The following FKBP5 variants were observed in gnomAD, a reference collection of about 807,000 sequenced individuals.
FKBP5 encodes peptidyl-prolyl cis-trans isomerase FKBP5.
Under a neutral mutation model 50.5 loss-of-function variants are expected in FKBP5, and 23 were observed. The ratio of observed to expected loss-of-function variants is 0.46; its 90% CI spans 0.33 to 0.65. The LOEUF (loss-of-function observed/expected upper bound fraction) is 0.65, where lower values mean the gene tolerates loss of function less well. Ranked by LOEUF, FKBP5 falls within the 30% of genes least tolerant of loss-of-function variation. FKBP5 has a pLI of 0.02. For synonymous variants in FKBP5, 176 were observed against 190.6 expected, an observed-to-expected ratio of 0.92 and a Z score of 0.63; for missense variants, 411 against 553.1, an observed-to-expected ratio of 0.74 and a Z score of 2.58.
At chr6:35,684,557 A>C (rs1765769538) in intron 1 of FKBP5, among the ~76,000 whole-genome samples, 1 of 152,144 alleles carries the variant, frequency 6.6e-6, no homozygotes, top group East Asian at 1.9e-4. Context: ...AAACAACTAC[A>C]ATCACAATTT....
chr6:35,670,326 A>G (rs545983547), intron 1 of FKBP5, among the ~76,000 whole-genome samples: 43 of 152,358 alleles, frequency 2.8e-4, no homozygotes, highest in Admixed American at 8.5e-4. Context: ...TAAAATTACT[A>G]AATTAGAGAC....
At chr6:35,604,436 C>G (rs1460789900) in intron 5 of FKBP5, among the ~76,000 whole-genome samples, 1 of 152,154 alleles carries the variant, frequency 6.6e-6, no homozygotes, top group East Asian at 1.9e-4. Context: ...GACCAAGTAC[C>G]ATATTACATT....
At chr6:35,692,197 C>T (rs1048363983), upstream of FKBP5, among the ~76,000 whole-genome samples, 11 of 152,188 alleles carry the variant, frequency 7.2e-5, no homozygotes, top group Non-Finnish European at 1.3e-4. Context: ...CCAGGCTGGC[C>T]TGGAACCGCT....
chr6:35,728,318 C>T (rs998935800), intron 1 of FKBP5, among the ~76,000 whole-genome samples: 3 of 151,752 alleles, frequency 2.0e-5, no homozygotes, highest in African/African-American at 7.3e-5. Context: ...CAGCCTGCCG[C>T]GCGAGACCTC....
intron 8 of FKBP5, chr6:35,583,574 T>C: frequency 1.0e-6 from 1 of 983,554 alleles, no homozygotes; most frequent in Non-Finnish European, 1.2e-6. Context: ...AACTGGGGGG[T>C]GATTTTGCCC....
intron 3 of FKBP5, among the ~76,000 whole-genome samples, chr6:35,635,327 C>G (rs1764279069): frequency 1.3e-5 from 2 of 152,130 alleles, no homozygotes; most frequent in South Asian, 4.1e-4. Context: ...ACAGAGCGAG[C>G]CAGACATGGT....
intron 8 of FKBP5, chr6:35,585,340 C>CTT: frequency 1.0e-6 from 1 of 978,538 alleles, no homozygotes. Flanking sequence ...TGGAATCTTA[C>CTT]TTGAATAGTT....
chr6:35,708,879 A>G (rs995114475), intron 2 of FKBP5, among the ~76,000 whole-genome samples: 15 of 152,134 alleles, frequency 9.9e-5, no homozygotes, highest in Non-Finnish European at 1.2e-4. Context: ...TGACAGAAGG[A>G]TCCTAGGTCC....
At chr6:35,714,760 T>C (rs1158282354) in intron 2 of FKBP5, among the ~76,000 whole-genome samples, 1 of 147,502 alleles carries the variant, frequency 6.8e-6, no homozygotes, top group Non-Finnish European at 1.5e-5. Flanking sequence ...GAGGTTGCAG[T>C]GAGCTATCGT....
chr6:35,639,973 T>C (rs969038130), intron 2 of FKBP5, among the ~76,000 whole-genome samples: 1 of 152,266 alleles, frequency 6.6e-6, no homozygotes, highest in Non-Finnish European at 1.5e-5. Context: ...CTAAAGCCAC[T>C]TAACCTTTCT....
chr6:35,719,769 A>G (rs1014841780), intron 2 of FKBP5, among the ~76,000 whole-genome samples: 1 of 152,236 alleles, frequency 6.6e-6, no homozygotes, highest in African/African-American at 2.4e-5. Flanking sequence ...TTTGGAACCT[A>G]GAATTTCCCA....
At chr6:35,611,992 T>C (rs778125608) in intron 5 of FKBP5, among the ~76,000 whole-genome samples, 4 of 152,192 alleles carry the variant, frequency 2.6e-5, no homozygotes, top group Non-Finnish European at 5.9e-5. Context: ...TATTAAGATA[T>C]ATCATTAATT....
At chr6:35,691,798 G>A (rs1382827010), upstream of FKBP5, among the ~76,000 whole-genome samples, 1 of 152,190 alleles carries the variant, frequency 6.6e-6, no homozygotes, top group Non-Finnish European at 1.5e-5. Context: ...GATGTGGGAT[G>A]AGCAGCCCTT....
intron 1 of FKBP5, among the ~76,000 whole-genome samples, chr6:35,645,600 G>A (rs1764607828): frequency 6.6e-6 from 1 of 152,162 alleles, no homozygotes; most frequent in African/African-American, 2.4e-5. Flanking sequence ...CTGCATATTA[G>A]CTTATTACTA....
At chr6:35,609,151 G>C (rs1208222881) in intron 5 of FKBP5, among the ~76,000 whole-genome samples, 1 of 152,052 alleles carries the variant, frequency 6.6e-6, no homozygotes, top group Non-Finnish European at 1.5e-5. Context: ...GATCTTTCAG[G>C]ATAAATGTAT....
intron 2 of FKBP5, among the ~76,000 whole-genome samples, chr6:35,703,507 G>A (rs1218159983): frequency 6.6e-6 from 1 of 152,068 alleles, no homozygotes; most frequent in Non-Finnish European, 1.5e-5. Flanking sequence ...TACATTCCAT[G>A]CATGTAACAA....
At chr6:35,585,134 G>A (rs988189973) in intron 8 of FKBP5, 2 of 982,706 alleles carry the variant, frequency 2.0e-6, no homozygotes, top group Non-Finnish European at 2.4e-6. Flanking sequence ...CTAGTCAAAG[G>A]CCAAAAGCCT....
At chr6:35,594,256 A>G (rs1304786368) in intron 6 of FKBP5, among the ~76,000 whole-genome samples, 1 of 151,886 alleles carries the variant, frequency 6.6e-6, no homozygotes, top group Non-Finnish European at 1.5e-5. Flanking sequence ...CAGGAGCTTG[A>G]GGTGGGAGGA....
chr6:35,582,821 C>T (rs745656978), intron 8 of FKBP5: 1 of 985,178 alleles, frequency 1.0e-6, no homozygotes, highest in East Asian at 1.1e-4. Flanking sequence ...TGAGGACAGG[C>T]AGCATTGTCC....
Sources: allele counts gnomAD v4.1 joint callset (sites outside exome capture counted in the v4.1 genomes callset), GRCh38; gene constraint gnomAD v4.1.1; transcripts MANE v1.5; gene names NCBI Gene and HGNC (gene_info 2026-07-23, HGNC 2026-07-21).